Variants in HK2 observed in about 807,000 individuals in gnomAD.
HK2 encodes hexokinase-2.
A neutral mutation model predicts 92.9 loss-of-function variants in HK2; 42 were observed. That is an observed-to-expected ratio of 0.45 (90% confidence interval 0.35 to 0.58). The LOEUF (loss-of-function observed/expected upper bound fraction) is 0.58, where lower values mean the gene tolerates loss of function less well. Ranked by LOEUF, HK2 falls within the 20% of genes least tolerant of loss-of-function variation. HK2 has a pLI of 0.00. For missense variants in HK2, 978 were observed against 1,245.1 expected, an observed-to-expected ratio of 0.79 and a Z score of 3.23; for synonymous variants, 422 against 468.0, an observed-to-expected ratio of 0.90 and a Z score of 1.27.
At chr2:74,872,762 TAC>T (rs1689127886) in intron 4 of HK2, among the ~76,000 whole-genome samples, 2 of 152,212 alleles carry the variant, frequency 1.3e-5, no homozygotes, top group South Asian at 4.1e-4. Flanking sequence ...AGGACACAAG[TAC>T]AGTCATGTAT....
At chr2:74,871,294 A>G in intron 3 of HK2, among the ~76,000 whole-genome samples, 1 of 152,174 alleles carries the variant, frequency 6.6e-6, no homozygotes, top group East Asian at 1.9e-4. Flanking sequence ...ATCTTCTTGC[A>G]CCTTCCTGGA....
intron 2 of HK2, among the ~76,000 whole-genome samples, chr2:74,855,338 C>G (rs1394846989): frequency 6.6e-6 from 1 of 152,222 alleles, no homozygotes; most frequent in Non-Finnish European, 1.5e-5. Flanking sequence ...CAATACAAAC[C>G]TATTAAGCTT....
chr2:74,878,954 G>A (rs1452874979), intron 9 of HK2, 33 bp downstream of exon 9: 5 of 1,512,126 alleles, frequency 3.3e-6, no homozygotes, highest in Non-Finnish European at 4.5e-6. Context: ...GAGATGCGGA[G>A]TTCCTGGAGT....
intron 1 of HK2, among the ~76,000 whole-genome samples, chr2:74,854,088 T>C (rs1297545738): frequency 1.3e-5 from 2 of 151,904 alleles, no homozygotes; most frequent in African/African-American, 4.8e-5. Context: ...AAAAATTAGG[T>C]CTATTTTTAT....
Position 74,878,808 on chromosome 2 carries a change from C to G in HK2, c.1152C>G (p.Ser384Arg). ...ICQIVSTRSASLCAATLAAVL... is the reference protein window; with the variant it reads ...ICQIVSTRSARLCAATLAAVL... Reference sequence around the variant, plus strand: ...AGATCGTGTCCACACGCTCCGCCAGCCTGTGCGCAGCCACCCTGGCCGCCG... The same window carrying G: ...AGATCGTGTCCACACGCTCCGCCAGGCTGTGCGCAGCCACCCTGGCCGCCG... Residue 384 changes from serine (S) to arginine (R), a missense_variant, in exon 9 of 18, where the codon AGC becomes AGG. Physicochemically the swap from Ser to Arg is moderately radical, Grantham distance 110. This residue lies in a region of HK2 where 742 missense variants were observed against 922.5 expected (regional missense o/e 0.80). Coordinates refer to ENST00000290573, the MANE Select transcript of HK2 (RefSeq NM_000189.5). 1 of 1,563,164 alleles carries G rather than the reference C, an allele frequency of 6.4e-7. No individual in the cohort carries two copies. The highest frequency in any genetic ancestry group is 1.9e-5 in the Admixed American group (1 of 52,646).
chr2:74,836,670 TAATTGTC>T (rs1397901859), intron 1 of HK2, among the ~76,000 whole-genome samples: 1 of 152,182 alleles, frequency 6.6e-6, no homozygotes, highest in South Asian at 2.1e-4. Context: ...TTTAACTCAG[TAATTGTC>T]AGAACCTGGG....
rs1392640128 is a variant in HK2 at position 74,854,368 on chromosome 2, A to G, written c.139A>G (p.Met47Val). The G allele has an allele frequency of 6.2e-7, 1 of 1,613,968 alleles. No homozygotes were observed. Among genetic ancestry groups the G allele is most frequent in the Admixed American group, 1.7e-5 (1 of 60,020 alleles). Residue 47 changes from methionine to valine, a missense_variant, in exon 2 of 18, where the codon ATG becomes GTG. Around this residue, in one of 3 missense-constraint regions of HK2, gnomAD observed 189 missense variants for 289.5 expected, o/e 0.65. Coordinates refer to ENST00000290573, the MANE Select transcript of HK2 (RefSeq NM_000189.5). ...LEISKRFRKE[M>V]EKGLGATTHP... ...GATCTCTAAGCGGTTCCGCAAGGAG[A>G]TGGAGAAAGGGCTTGGAGCCACCAC...
At chr2:74,850,328 A>T (rs752198286) in intron 1 of HK2, among the ~76,000 whole-genome samples, 2 of 152,250 alleles carry the variant, frequency 1.3e-5, no homozygotes, top group Non-Finnish European at 2.9e-5. Context: ...GATTAGGCAG[A>T]AGTATCAGAA....
chr2:74,839,951 CTTTTTTT>C (rs773321768), intron 1 of HK2, among the ~76,000 whole-genome samples: 2 of 97,032 alleles, frequency 2.1e-5, no homozygotes, highest in Non-Finnish European at 4.2e-5. Context: ...TGCGCCTGGC[CTTTTTTT>C]TTTTTTTTTT....
chr2:74,869,121 A>T (rs909434628), intron 3 of HK2, among the ~76,000 whole-genome samples: 1 of 137,154 alleles, frequency 7.3e-6, no homozygotes, highest in Non-Finnish European at 1.5e-5. Context: ...AGTCCGGATT[A>T]AAAAAAAAAA....
Position 74,880,247 on chromosome 2 carries a change from C to T in HK2, c.1266-18C>T, listed in dbSNP as rs7596131. On this transcript the variant is annotated intron_variant, in intron 9 of 17. Coordinates refer to ENST00000290573, the MANE Select transcript of HK2 (RefSeq NM_000189.5). ...TAACCATGGACACCTGTCTCTTACC[C>T]GCCCTGGGGAACTGCAGTTTTGCCA... The T allele has an allele frequency of 6.5e-4, 1,056 of 1,613,874 alleles. 9 individuals are homozygous for T. In the African/African-American group the frequency reaches 0.012, roughly 18 times the overall value.
At chr2:74,846,308 T>G (rs1410588140) in intron 1 of HK2, among the ~76,000 whole-genome samples, 6 of 103,464 alleles carry the variant, frequency 5.8e-5, no homozygotes, top group African/African-American at 2.4e-4. Flanking sequence ...GCCAAGTCAG[T>G]GCAACCTGCC....
rs1227850981 is a variant in HK2 at position 74,851,850 on chromosome 2, A to G, written c.64-2443A>G. Among the ~76,000 whole-genome samples the G allele has an allele frequency of 5.9e-5, 9 of 152,116 alleles. 1 individual carries two copies. Among genetic ancestry groups the G allele is most frequent in the Non-Finnish European group, 1.3e-4 (9 of 68,028 alleles). On this transcript the variant is annotated intron_variant, in intron 1 of 17. Transcript: ENST00000290573. ...TCCACTGCGTGCTGTTCATGTCTGC[A>G]TTGGGAGGTGACTGGAATAGAAGAT... is the stretch of plus-strand genomic sequence containing the variant.
chr2:74,878,322 C>T (rs1689283433), intron 8 of HK2, among the ~76,000 whole-genome samples: 1 of 152,190 alleles, frequency 6.6e-6, no homozygotes, highest in African/African-American at 2.4e-5. Flanking sequence ...CTCTCACACA[C>T]ACAACTTGGT....
intron 1 of HK2, among the ~76,000 whole-genome samples, chr2:74,847,661 C>A (rs1010379174): frequency 6.6e-6 from 1 of 152,124 alleles, no homozygotes; most frequent in Non-Finnish European, 1.5e-5. Flanking sequence ...ACCATGATTG[C>A]GTCATTGCAC....
intron 1 of HK2, among the ~76,000 whole-genome samples, chr2:74,848,538 A>G (rs777266624): frequency 1.3e-5 from 2 of 152,216 alleles, no homozygotes; most frequent in Non-Finnish European, 2.9e-5. Flanking sequence ...CATAAATGCC[A>G]TAACATGGAA....
chr2:74,854,445 A>C lies in HK2; in HGVS notation c.216A>C (p.Pro72=), dbSNP rs532008664. The C allele has an allele frequency of 3.7e-6, 6 of 1,614,204 alleles. No homozygotes were observed. In the South Asian group the frequency reaches 6.6e-5, roughly 18 times the overall value. Residue 72 remains proline, a synonymous_variant, in exon 2 of 18, where the codon CCA becomes CCC. Coordinates refer to ENST00000290573, the MANE Select transcript of HK2 (RefSeq NM_000189.5). ...TGCCCACCTTTGTGAGGTCCACTCCAGATGGGACAGGTACTGCATCTGGGG... is the reference window on the plus strand; with the variant it reads ...TGCCCACCTTTGTGAGGTCCACTCCCGATGGGACAGGTACTGCATCTGGGG... ...KMLPTFVRST[P]DGTEHGEFLA...
chr2:74,876,369 C>T (rs1689233039), intron 7 of HK2, among the ~76,000 whole-genome samples: 2 of 152,188 alleles, frequency 1.3e-5, no homozygotes, highest in Admixed American at 1.3e-4. Context: ...TCTCAAACAC[C>T]CAGAAATGGG....
chr2:74,869,560 TCTC>T (rs1244436599), intron 3 of HK2, among the ~76,000 whole-genome samples: 18 of 152,188 alleles, frequency 1.2e-4, no homozygotes, highest in African/African-American at 4.1e-4. Context: ...CACATTAACT[TCTC>T]CTGAAGAGCA....
Sources: allele counts gnomAD v4.1 joint callset (sites outside exome capture counted in the v4.1 genomes callset), GRCh38; gene constraint gnomAD v4.1.1; regional missense constraint gnomAD v4.1.1; transcripts MANE v1.5; gene names NCBI Gene and HGNC (gene_info 2026-07-23, HGNC 2026-07-21).